LHX8: variants seen among roughly 807,000 people sequenced by gnomAD.
The protein encoded by LHX8 is LIM homeobox 8.
Under a neutral mutation model 40.3 loss-of-function variants are expected in LHX8, and 12 were observed. The ratio of observed to expected loss-of-function variants is 0.30; its 90% CI spans 0.19 to 0.48. The LOEUF is 0.48. Ranked by LOEUF, LHX8 falls within the 20% of genes least tolerant of loss-of-function variation. LHX8 has a pLI of 0.99. For missense variants in LHX8, 344 were observed against 433.7 expected, an observed-to-expected ratio of 0.79 and a Z score of 1.84; for synonymous variants, 179 against 162.0, an observed-to-expected ratio of 1.10 and a Z score of -0.80.
chr1:75,195,954 G>A, the LHX8 span, among the ~76,000 whole-genome samples: 1 of 152,270 alleles, frequency 6.6e-6, no homozygotes, highest in Non-Finnish European at 1.5e-5. Context: ...ATAAGCACCT[G>A]TTGTATGATA....
downstream of LHX8, among the ~76,000 whole-genome samples, chr1:75,163,517 TAAAG>T (rs1165717004): frequency 6.6e-6 from 1 of 152,142 alleles, no homozygotes; most frequent in Non-Finnish European, 1.5e-5. Context: ...CCGGAGGAGA[TAAAG>T]AAACTGATAT....
intron 4 of LHX8, 62 bp from the exon 5 acceptor site, chr1:75,143,056 C>T (rs1222932229): frequency 7.8e-6 from 10 of 1,279,320 alleles, no homozygotes; most frequent in Admixed American, 3.4e-5. Flanking sequence ...GTTTAATATT[C>T]GACTGATGAA....
intron 1 of LHX8, among the ~76,000 whole-genome samples, chr1:75,129,178 T>G (rs1647898951): frequency 1.3e-5 from 2 of 152,218 alleles, no homozygotes; most frequent in African/African-American, 2.4e-5. Flanking sequence ...TGTTAAAAAT[T>G]TAAATTGCTC....
chr1:75,146,670 T>C (rs1039611104), intron 6 of LHX8, among the ~76,000 whole-genome samples: 1 of 152,138 alleles, frequency 6.6e-6, no homozygotes, highest in Admixed American at 6.6e-5. Context: ...TAGAGAATAG[T>C]GAAACTAAGT....
chr1:75,130,286 G>T (rs987512636), upstream of LHX8: 5 of 216,542 alleles, frequency 2.3e-5, no homozygotes, highest in Admixed American at 4.9e-5. Context: ...GGCGCTCTGC[G>T]AACCGGCTGG....
the LHX8 span, among the ~76,000 whole-genome samples, chr1:75,169,929 A>G: frequency 3.3e-5 from 5 of 152,200 alleles, no homozygotes; most frequent in Non-Finnish European, 7.3e-5. Flanking sequence ...TTCAGGCTTC[A>G]TGGTGCTACC....
the LHX8 span, among the ~76,000 whole-genome samples, chr1:75,198,204 G>A: frequency 6.6e-6 from 1 of 152,134 alleles, no homozygotes; most frequent in African/African-American, 2.4e-5. Context: ...TCCAGAGAAG[G>A]AGGGAAAGTC....
chr1:75,137,162 G>T lies in LHX8; in HGVS notation c.138G>T (p.Ser46=). The change falls in exon 3 of 9, where the codon TCG becomes TCT. Residue 46 remains serine (S), a synonymous_variant. Transcript: ENST00000356261. ...CCTCCTCGGCCCCGCTGTCCCCGTC[G>T]TCCTCGCCCCGGTCCATGGCCTCGG... The part of the protein sequence containing the change: ...SCSSSAPLSP[S]SSPRSMASGS... 6.2e-7 allele frequency: 1 copy of T among 1,613,048 alleles called. No homozygotes were observed. Among genetic ancestry groups the T allele is most frequent in the Non-Finnish European group, 8.5e-7 (1 of 1,179,688 alleles).
At chr1:75,145,741 G>C (rs1648443378) in intron 6 of LHX8, among the ~76,000 whole-genome samples, 1 of 152,128 alleles carries the variant, frequency 6.6e-6, no homozygotes. Context: ...CCAATTAATA[G>C]CAGCAGCAGC....
At chr1:75,130,709 G>A (rs1313341805), upstream of LHX8, 7 of 1,614,028 alleles carry the variant, frequency 4.3e-6, 1 homozygote, top group Non-Finnish European at 3.4e-6. Flanking sequence ...CCATCTCTGA[G>A]GGGTTATGCA....
chr1:75,165,429 T>G (rs1358103184), downstream of LHX8, among the ~76,000 whole-genome samples: 2 of 152,134 alleles, frequency 1.3e-5, no homozygotes, highest in Non-Finnish European at 2.9e-5. Context: ...TGCCATAGGC[T>G]TAGAGGATGT....
intron 3 of LHX8, among the ~76,000 whole-genome samples, chr1:75,138,307 T>C (rs568580994): frequency 6.6e-6 from 1 of 152,230 alleles, no homozygotes; most frequent in Non-Finnish European, 1.5e-5. Context: ...GGATTAATTA[T>C]GGAGAGTATG....
rs748576156 is a variant in LHX8 at position 75,157,077 on chromosome 1, G to C, written c.964+1G>C. ...ACTGCGCTGCATAGTTATATGGATGGTAGGTATCCCAACATTTAACAGCTG... is the reference window on the plus strand; with the variant it reads ...ACTGCGCTGCATAGTTATATGGATGCTAGGTATCCCAACATTTAACAGCTG... On this transcript the variant is annotated splice_donor_variant, in intron 8 of 8. Transcript: ENST00000356261. LOFTEE classifies it high-confidence loss of function. The C allele has an allele frequency of 6.2e-7, 1 of 1,614,066 alleles. No homozygotes were observed. The highest frequency in any genetic ancestry group is 8.5e-7 in the Non-Finnish European group (1 of 1,179,944).
chr1:75,150,200 T>A (rs1648567969), intron 7 of LHX8, among the ~76,000 whole-genome samples: 1 of 152,182 alleles, frequency 6.6e-6, no homozygotes, highest in Non-Finnish European at 1.5e-5. Flanking sequence ...ATAGTACCAC[T>A]GCACTCCAGC....
intron 6 of LHX8, among the ~76,000 whole-genome samples, chr1:75,144,511 A>T (rs1442971254): frequency 6.6e-6 from 1 of 152,172 alleles, no homozygotes; most frequent in African/African-American, 2.4e-5. Context: ...TAAAGGGAGT[A>T]CTTCTATAAT....
Position 75,134,789 on chromosome 1 carries a change from T to C in LHX8, c.-178T>C. On this transcript the variant is annotated 5_prime_UTR_variant, in exon 1 of 9. Transcript: ENST00000356261. ...GGGCTCCTAAACAAGGTTCAGAAAC[T>C]ACCTGTAACGGCCTCATCTTCAGAC... The C allele has an allele frequency of 3.2e-6, 1 of 315,054 alleles. No individual in the cohort carries two copies. The highest frequency in any genetic ancestry group is 1.3e-4 in the South Asian group (1 of 7,924). The allele number at this position is 315,054 out of a possible 1,614,324, so 19.5% of individuals were successfully genotyped here. A position where few individuals can be genotyped will look rare whatever the true frequency, so the allele number is the denominator to read the frequency against.
At chr1:75,133,330 C>G (rs898572392), upstream of LHX8, among the ~76,000 whole-genome samples, 1 of 96,594 alleles carries the variant, frequency 1.0e-5, no homozygotes, top group African/African-American at 3.0e-5. Flanking sequence ...GAAAGGCTAT[C>G]TATCTCCTCC....
At chr1:75,183,109 C>T in the LHX8 span, 4 of 152,170 alleles carry the variant, frequency 2.6e-5, no homozygotes, top group East Asian at 5.8e-4. Flanking sequence ...GGTCCCTACA[C>T]AAGGATGATA....
the LHX8 span, among the ~76,000 whole-genome samples, chr1:75,177,106 G>T: frequency 2.6e-5 from 4 of 152,162 alleles, no homozygotes. Context: ...GTCAGGTAGT[G>T]TGATGCCTCC....
Sources: allele counts gnomAD v4.1 joint callset (sites outside exome capture counted in the v4.1 genomes callset), GRCh38; gene constraint gnomAD v4.1.1; transcripts MANE v1.5; gene names NCBI Gene and HGNC (gene_info 2026-07-23, HGNC 2026-07-21).